The following CERS1 variants were observed in gnomAD, a reference collection of about 807,000 sequenced individuals.
The protein encoded by CERS1 is Embryonic growth/differentiation factor 1.
CERS1 carries 16 observed loss-of-function variants against 35.7 expected under a neutral mutation model. The observed-to-expected ratio is 0.45, with a 90% CI of 0.30 to 0.68. CERS1 has a LOEUF of 0.68. CERS1 is among the 30% of genes least tolerant of loss of function. The pLI is 0.08. For synonymous variants in CERS1, 243 were observed against 201.6 expected, an observed-to-expected ratio of 1.21 and a Z score of -1.74; for missense variants, 454 against 453.9, an observed-to-expected ratio of 1.00 and a Z score of 0.00.
At position 18,884,254 on chromosome 19, in the gene CERS1, G is replaced by A. The variant is rs758002482; in HGVS notation, c.423C>T (p.Gly141=). ...CTGCAATGTCCCGTGGCACTGCCAT[G>A]CCCGGCGTCCAGTCTGGGGAGAGCC... is the stretch of plus-strand genomic sequence containing the variant. ...PPSVFYDWTP[G]MAVPRDIAAA... The change falls in exon 3 of 8, where the codon GGC becomes GGT. Residue 141 remains glycine, a synonymous_variant. Coordinates refer to ENST00000623882, the MANE Select transcript of CERS1 (RefSeq NM_021267.5). 3.6e-5 allele frequency: 58 copies of A among 1,612,284 alleles called. No individual in the cohort carries two copies. The South Asian group carries it at 6.2e-4, about 17-fold the overall frequency.
rs1248747639 is a variant in CERS1, at chr19:18,869,698, C to T, written c.*594+285G>A. 1.3e-4 allele frequency among the ~76,000 whole-genome samples: 16 copies of T among 123,274 alleles called. No homozygotes were observed. The South Asian group carries it at 2.1e-3, about 16-fold the overall frequency. 80.9% of individuals were successfully genotyped at this position (123,274 alleles called of 152,430 possible). A position where few individuals can be genotyped will look rare whatever the true frequency, so the allele number is the denominator to read the frequency against. On this transcript the variant is annotated intron_variant, in intron 7 of 7. Coordinates refer to ENST00000623882, the MANE Select transcript of CERS1 (RefSeq NM_021267.5). ...AAGCCATGCTAGGGTGTGGGGATGG[C>T]ATCTGCAGGAAGGCATTAGTGTCAA...
rs1064793138 is a variant in CERS1, at chr19:18,868,764, C to T, written c.*1221G>A. The T allele has an allele frequency of 4.2e-5, 63 of 1,487,336 alleles. No homozygotes were observed. Among genetic ancestry groups the T allele is most frequent in the Non-Finnish European group, 5.4e-5 (60 of 1,112,466 alleles). The allele number at this position is 1,487,336 out of a possible 1,614,324, so 92.1% of individuals were successfully genotyped here. On this transcript the variant is annotated 3_prime_UTR_variant, in exon 8 of 8. Transcript: ENST00000623882. ...GCGTGCATGAGCGCGCGCAGCACAG[C>T]GTGGTTGAGCGCCGGCGGCCCCCCG...
Position 18,869,300 on chromosome 19 carries a change from G to A in CERS1, c.*685C>T, listed in dbSNP as rs1378195581. On this transcript the variant is annotated 3_prime_UTR_variant, in exon 8 of 8. Transcript: ENST00000623882. ...CAGGCGGGCCCGGCTCGGGCGCTCA[G>A]CGGGTTCCACAGCCGACAGGTCGAA... 9 of 1,515,982 alleles carry A rather than the reference G, an allele frequency of 5.9e-6. No homozygotes were observed. In the East Asian group the frequency reaches 2.4e-4, roughly 40 times the overall value. 93.9% of individuals were successfully genotyped at this position (1,515,982 alleles called of 1,614,324 possible).
Position 18,893,423 on chromosome 19 carries a change from G to T in CERS1, c.402C>A (p.Val134=), listed in dbSNP as rs1203214467. 3 of 1,603,744 alleles carry T rather than the reference G, an allele frequency of 1.9e-6. No individual in the cohort carries two copies. Among genetic ancestry groups the T allele is most frequent in the South Asian group, 1.1e-5 (1 of 89,174 alleles). ...TCCCCTCAGGGCCCCTACCGTAGAA[G>T]ACAGATGGTGGGTCATGGAAGAAGG... ...DYPFFHDPPS[V]FYDWTPGMAV... Residue 134 remains valine, a synonymous_variant, in exon 2 of 8, where the codon GTC becomes GTA. Coordinates refer to ENST00000623882, the MANE Select transcript of CERS1 (RefSeq NM_021267.5).
chr19:18,885,610 C>T (rs997142371), intron 2 of CERS1, among the ~76,000 whole-genome samples: 2 of 148,778 alleles, frequency 1.3e-5, no homozygotes, highest in Admixed American at 6.8e-5. Context: ...ACCTCCATAT[C>T]CGGGGTTCAA....
Position 18,873,528 on chromosome 19 carries a change from C to G in CERS1, c.1011-2909G>C, listed in dbSNP as rs1357568549. Among the ~76,000 whole-genome samples, 14 of 151,970 alleles carry G rather than the reference C, an allele frequency of 9.2e-5. No homozygotes were observed. The East Asian group carries it at 2.7e-3, about 30-fold the overall frequency. ...CCTGGGCAACACAGTGAGACCCCAT[C>G]TCTACAAAAATTTTAAAAATTAGCC... On this transcript the variant is annotated intron_variant, in intron 6 of 7. Transcript: ENST00000623882.
chr19:18,884,815 GCAATT>G (rs1197102752), intron 2 of CERS1, among the ~76,000 whole-genome samples: 1 of 139,358 alleles, frequency 7.2e-6, no homozygotes, highest in Non-Finnish European at 1.5e-5. Context: ...CCAGGTTCAA[GCAATT>G]CTCCTGCCTC....
Position 18,868,694 on chromosome 19 carries a change from C to A in CERS1, c.*1291G>T, listed in dbSNP as rs1446194780. On this transcript the variant is annotated 3_prime_UTR_variant, in exon 8 of 8. Transcript: ENST00000623882. ...GAAGAGCACGGAGATGGGCGACAGG[C>A]GCGCGGGCACGCAGCAGGGCAGGTC... 1.9e-6 allele frequency: 3 copies of A among 1,557,514 alleles called. No homozygotes were observed. The highest frequency in any genetic ancestry group is 1.9e-5 in the Admixed American group (1 of 52,302).
chr19:18,869,260 C>G lies in CERS1; in HGVS notation c.*725G>C, dbSNP rs1181831989. The G allele has an allele frequency of 2.7e-6, 4 of 1,458,032 alleles. No homozygotes were observed. Among genetic ancestry groups the G allele is most frequent in the Middle Eastern group, 2.4e-4 (1 of 4,112 alleles). The allele number at this position is 1,458,032 out of a possible 1,614,324, so 90.3% of individuals were successfully genotyped here. ...CCTCCGGGGCTGCCGCCGCCGCCGC[C>G]GCGAAACGCAGCTCCAGGCGGGCCC... On this transcript the variant is annotated 3_prime_UTR_variant, in exon 8 of 8. Coordinates refer to ENST00000623882, the MANE Select transcript of CERS1 (RefSeq NM_021267.5).
chr19:18,882,840 C>T (rs1186472929), intron 3 of CERS1, among the ~76,000 whole-genome samples: 1 of 151,580 alleles, frequency 6.6e-6, no homozygotes, highest in African/African-American at 2.4e-5. Context: ...CTACAGGCGC[C>T]CACCACCACG....
rs1318457441 is a variant in CERS1 at position 18,895,333 on chromosome 19, C to A, written c.249+491G>T. ...ACCTCGCTCCGGGCCGGGGCGCAGC[C>A]CGCATGGCAGGGAGGCGCATGGCGC... On this transcript the variant is annotated intron_variant, in intron 1 of 7. Coordinates refer to ENST00000623882, the MANE Select transcript of CERS1 (RefSeq NM_021267.5). This position sits in a 1 kb window ranked among gnomAD's most constrained non-coding sequence, Gnocchi z 6.4. 6.6e-6 allele frequency among the ~76,000 whole-genome samples: 1 copy of A among 152,216 alleles called. No individual in the cohort carries two copies. Among genetic ancestry groups the A allele is most frequent in the Non-Finnish European group, 1.5e-5 (1 of 68,034 alleles).
At chr19:18,884,327 T>C in intron 2 of CERS1, 60 bp from the exon 3 acceptor site, 1 of 1,492,828 alleles carries the variant, frequency 6.7e-7, no homozygotes, top group East Asian at 2.4e-5. Context: ...ATCGCCTCCA[T>C]GACCCGGTGA....
chr19:18,894,702 C>A (rs916652907), intron 1 of CERS1, among the ~76,000 whole-genome samples: 2 of 152,138 alleles, frequency 1.3e-5, no homozygotes, highest in Non-Finnish European at 2.9e-5. Context: ...AGCCCTGTCT[C>A]CCCCTCCCAC....
At chr19:18,873,589 GCA>G (rs1491279396) in intron 6 of CERS1, among the ~76,000 whole-genome samples, 1 of 151,946 alleles carries the variant, frequency 6.6e-6, no homozygotes, top group African/African-American at 2.4e-5. Flanking sequence ...TGTAATCCTA[GCA>G]CTTTGGGAGG....
chr19:18,892,971 C>G (rs991110347), intron 2 of CERS1, among the ~76,000 whole-genome samples: 22 of 152,142 alleles, frequency 1.4e-4, no homozygotes, highest in African/African-American at 5.1e-4. Context: ...GGCTGGAGTG[C>G]AGTGGCGCGA....
intron 7 of CERS1, among the ~76,000 whole-genome samples, 158 bp downstream of exon 7, chr19:18,869,822 TGAC>T (rs140310094): frequency 0.011 from 1,635 of 152,026 alleles, 34 homozygotes; most frequent in African/African-American, 0.038. Flanking sequence ...GTGCAGCAGA[TGAC>T]GAGGAAAGGG....
At chr19:18,882,573 G>T (rs2056239103) in intron 3 of CERS1, among the ~76,000 whole-genome samples, 1 of 151,840 alleles carries the variant, frequency 6.6e-6, no homozygotes, top group African/African-American at 2.4e-5. Context: ...GGAGCCGGAG[G>T]TTGCAGTAAG....
intron 2 of CERS1, among the ~76,000 whole-genome samples, chr19:18,888,839 AAAC>A (rs1317978443): frequency 1.3e-5 from 2 of 151,584 alleles, no homozygotes; most frequent in East Asian, 3.9e-4. Flanking sequence ...TCAAAAAAAC[AAAC>A]AACAAACAAA....
Position 18,878,247 on chromosome 19 carries a change from G to A in CERS1, c.1010+683C>T, listed in dbSNP as rs1428326309. 10 of 985,496 alleles carry A rather than the reference G, an allele frequency of 1.0e-5. No homozygotes were observed. Among genetic ancestry groups the A allele is most frequent in the Admixed American group, 6.2e-5 (1 of 16,226 alleles). 61.0% of individuals were successfully genotyped at this position (985,496 alleles called of 1,614,324 possible). ...GTTGCCTATGAGACACTGCACACCCGACTCTGCTTGTTACCCAGTTTGGCC... is the reference window on the plus strand; with the variant it reads ...GTTGCCTATGAGACACTGCACACCCAACTCTGCTTGTTACCCAGTTTGGCC... On this transcript the variant is annotated intron_variant, in intron 6 of 7. Transcript: ENST00000623882. The surrounding 1 kb of genome is among the most constrained non-coding windows in gnomAD (Gnocchi z 4.6).
Sources: gnomAD v4.1 joint callset for allele counts (sites outside exome capture counted in the v4.1 genomes callset) on GRCh38, gnomAD v4.1.1 for gene constraint, Gnocchi (gnomAD v3.1) non-coding constraint, MANE v1.5 for transcripts, NCBI Gene and HGNC (gene_info 2026-07-23, HGNC 2026-07-21) for gene names.